CDIN1: variants seen among roughly 807,000 people sequenced by gnomAD.
CDIN1 encodes CDAN1-interacting nuclease 1.
In CDIN1, 33 loss-of-function variants were observed where a neutral mutation model predicts 45.3. The observed-to-expected ratio is 0.73, with a 90% confidence interval of 0.55 to 0.97. CDIN1 has a LOEUF of 0.97. Among genes scored for constraint, CDIN1 ranks in the 50% least tolerant of loss-of-function variants. CDIN1 has a pLI of 0.00. For synonymous variants in CDIN1, 118 were observed against 124.4 expected (o/e 0.95, Z 0.34); for missense variants, 303 against 339.4 (o/e 0.89, Z 0.84).
At chr15:36,692,277 C>T in intron 7 of CDIN1, 102 bp downstream of exon 7, 1 of 1,045,158 alleles carries the variant, frequency 9.6e-7, no homozygotes. Flanking sequence ...TCACAAAACA[C>T]ATTTCATACT....
intron 5 of CDIN1, among the ~76,000 whole-genome samples, chr15:36,665,363 C>A (rs1465825167): frequency 6.6e-6 from 1 of 152,126 alleles, no homozygotes. Flanking sequence ...GTGGGTACAG[C>A]AGAGGATGGT....
At chr15:36,799,039 C>A (rs1170903323) in intron 10 of CDIN1, 1 of 152,188 alleles carries the variant, frequency 6.6e-6, no homozygotes, top group Non-Finnish European at 1.5e-5. Context: ...AACACTAAAT[C>A]AGCTGAAATG....
At chr15:36,788,106 A>ATATAT (rs1343541345) in intron 10 of CDIN1, among the ~76,000 whole-genome samples, 13 of 50,516 alleles carry the variant, frequency 2.6e-4, no homozygotes, top group African/African-American at 9.3e-4. Flanking sequence ...ATATATATAT[A>ATATAT]TTTTTTTTTT....
chr15:36,756,163 ATCCT>A (rs1304353267), intron 10 of CDIN1: 1 of 455,754 alleles, frequency 2.2e-6, no homozygotes, highest in Non-Finnish European at 4.4e-6. Flanking sequence ...GGAGTGGGGA[ATCCT>A]TAGTTGAAGA....
At chr15:36,691,352 A>G (rs565994447) in intron 5 of CDIN1, 1 of 284,006 alleles carries the variant, frequency 3.5e-6, no homozygotes, top group Non-Finnish European at 6.7e-6. Flanking sequence ...AACTACCTGC[A>G]AAAGGTAAAT....
chr15:36,758,272 G>A (rs564016507), intron 10 of CDIN1, among the ~76,000 whole-genome samples: 1 of 152,252 alleles, frequency 6.6e-6, no homozygotes, highest in South Asian at 2.1e-4. Context: ...CTCCAAAGCT[G>A]TAAGTAGCTT....
At chr15:36,795,000 A>T (rs543606091) in intron 10 of CDIN1, among the ~76,000 whole-genome samples, 50 of 152,376 alleles carry the variant, frequency 3.3e-4, no homozygotes, top group Non-Finnish European at 6.2e-4. Context: ...ATGGAACTGG[A>T]GGTTATTATG....
At chr15:36,669,849 G>T (rs1313608125) in intron 5 of CDIN1, among the ~76,000 whole-genome samples, 1 of 152,102 alleles carries the variant, frequency 6.6e-6, no homozygotes, top group Non-Finnish European at 1.5e-5. Flanking sequence ...CAAGGGGTAT[G>T]TGGTATCAAC....
intron 10 of CDIN1, 33 bp from the exon 11 acceptor site, chr15:36,808,283 TTGATACCA>T (rs771680120): frequency 6.2e-7 from 1 of 1,609,666 alleles, no homozygotes; most frequent in Non-Finnish European, 8.5e-7. Flanking sequence ...AAGAGCTCTG[TTGATACCA>T]TGTGTGTGTG....
At chr15:36,643,949 G>A (rs1422121440) in intron 1 of CDIN1, among the ~76,000 whole-genome samples, 2 of 152,178 alleles carry the variant, frequency 1.3e-5, no homozygotes, top group South Asian at 2.1e-4. Context: ...ACTTATTAAT[G>A]GAGATAAGCC....
chr15:36,757,121 G>A (rs997726340), intron 10 of CDIN1, among the ~76,000 whole-genome samples: 1 of 152,178 alleles, frequency 6.6e-6, no homozygotes, highest in African/African-American at 2.4e-5. Context: ...ACTTCATAAT[G>A]GCTGTGCAGT....
chr15:36,604,816 A>T (rs1026364539), intron 1 of CDIN1, among the ~76,000 whole-genome samples: 1 of 152,190 alleles, frequency 6.6e-6, no homozygotes, highest in Non-Finnish European at 1.5e-5. Flanking sequence ...TAGATTTACC[A>T]AGCACAATAT....
chr15:36,745,572 T>G (rs1343720683), intron 10 of CDIN1, among the ~76,000 whole-genome samples: 1 of 152,200 alleles, frequency 6.6e-6, no homozygotes, highest in African/African-American at 2.4e-5. Flanking sequence ...TGATATTGAT[T>G]TTAGGCATCT....
intron 1 of CDIN1, among the ~76,000 whole-genome samples, chr15:36,620,002 A>T (rs540562229): frequency 1.3e-5 from 2 of 152,038 alleles, no homozygotes; most frequent in Admixed American, 6.6e-5. Flanking sequence ...TTGTACTTGG[A>T]CATGTGACTA....
rs74008786 is a variant in CDIN1 at position 36,793,421 on chromosome 15, C to G, written c.717-14903C>G. Among the ~76,000 whole-genome samples, 976 of 152,242 alleles carry G rather than the reference C, an allele frequency of 6.4e-3. 16 individuals carry two copies. The highest frequency in any genetic ancestry group is 0.022 in the African/African-American group (933 of 41,530). ...AGCCAGGTCCATGCTGTCAGTCCCT[C>G]CCGTGTTATCTTAAGCAAGTCACTT... On this transcript the variant is annotated intron_variant, in intron 10 of 10. Coordinates refer to ENST00000566621, the MANE Select transcript of CDIN1 (RefSeq NM_001321759.2).
chr15:36,739,623 T>A (rs1275308090), intron 10 of CDIN1, among the ~76,000 whole-genome samples: 1 of 152,224 alleles, frequency 6.6e-6, no homozygotes, highest in East Asian at 1.9e-4. Flanking sequence ...TTATAGGAAA[T>A]GCACACTGTG....
chr15:36,612,383 A>G (rs555618753), intron 1 of CDIN1, among the ~76,000 whole-genome samples: 1 of 152,198 alleles, frequency 6.6e-6, no homozygotes, highest in Non-Finnish European at 1.5e-5. Context: ...GGAAGAGACA[A>G]ATCTTACTGG....
At chr15:36,723,803 G>A (rs1348343787) in intron 10 of CDIN1, among the ~76,000 whole-genome samples, 1 of 152,186 alleles carries the variant, frequency 6.6e-6, no homozygotes, top group Non-Finnish European at 1.5e-5. Context: ...GTTAAATTCA[G>A]CTGATGTTCA....
intron 10 of CDIN1, among the ~76,000 whole-genome samples, chr15:36,791,640 T>C (rs925142645): frequency 2.6e-5 from 4 of 152,114 alleles, no homozygotes; most frequent in African/African-American, 4.8e-5. Context: ...GGAATCGTTG[T>C]TATTTAGTAT....
Sources: allele counts gnomAD v4.1 joint callset (sites outside exome capture counted in the v4.1 genomes callset), GRCh38; gene constraint gnomAD v4.1.1; transcripts MANE v1.5; gene names NCBI Gene and HGNC (gene_info 2026-07-23, HGNC 2026-07-21).